Variants in PAX2 observed in about 807,000 individuals in gnomAD.
PAX2 encodes paired box protein Pax-2.
In PAX2, 9 loss-of-function variants were observed where a neutral mutation model predicts 41.7. The ratio of observed to expected loss-of-function variants is 0.22; its 90% CI spans 0.13 to 0.38. PAX2 has a LOEUF of 0.38. Among genes scored for constraint, PAX2 ranks in the 10% least tolerant of loss-of-function variants. The probability of loss-of-function intolerance (pLI) is 1.00; values close to 1 mark genes in which losing one functional copy is unlikely to be tolerated. For missense variants in PAX2, 418 were observed against 531.6 expected, an observed-to-expected ratio of 0.79 and a Z score of 2.10; for synonymous variants, 221 against 212.7, an observed-to-expected ratio of 1.04 and a Z score of -0.34.
chr10:100,824,933 G>A lies in PAX2; in HGVS notation c.1021+184G>A, dbSNP rs1256070683. On this transcript the variant is annotated intron_variant, in intron 8 of 9. Coordinates refer to ENST00000355243, the MANE Select transcript of PAX2 (RefSeq NM_000278.5). This position sits in a 1 kb window ranked among gnomAD's most constrained non-coding sequence, Gnocchi z 6.6. Reference sequence around the variant, plus strand: ...CAGTTGGTCCCTCATCCTCCCTCATGAGCAAGCCGGGGAGGAAGCTTGCAG... The same window carrying A: ...CAGTTGGTCCCTCATCCTCCCTCATAAGCAAGCCGGGGAGGAAGCTTGCAG... The A allele has an allele frequency of 6.2e-7, 1 of 1,614,082 alleles. No individual in the cohort carries two copies. The highest frequency in any genetic ancestry group is 1.1e-5 in the South Asian group (1 of 91,064).
intron 3 of PAX2, among the ~76,000 whole-genome samples, chr10:100,761,284 A>AG (rs934203909): frequency 1.2e-4 from 18 of 151,802 alleles, no homozygotes; most frequent in African/African-American, 3.9e-4. Context: ...AGCCCTGGTT[A>AG]GGGTTCAGCT....
chr10:100,777,683 C>T (rs1846447996), intron 3 of PAX2, among the ~76,000 whole-genome samples: 1 of 152,246 alleles, frequency 6.6e-6, no homozygotes. Flanking sequence ...GCGTGAGCCA[C>T]TGCACCCAGC....
At chr10:100,770,886 A>G (rs1846184888) in intron 3 of PAX2, among the ~76,000 whole-genome samples, 2 of 152,260 alleles carry the variant, frequency 1.3e-5, no homozygotes. Flanking sequence ...TCGATAGAGT[A>G]TGAGAAAGGA....
At chr10:100,786,624 G>A (rs936186685) in intron 5 of PAX2, among the ~76,000 whole-genome samples, 5 of 152,140 alleles carry the variant, frequency 3.3e-5, no homozygotes, top group East Asian at 1.9e-4. Context: ...AGAGAGTGCC[G>A]GGTGTGACTG....
At chr10:100,778,372 T>G (rs1365377853) in intron 3 of PAX2, among the ~76,000 whole-genome samples, 1 of 152,184 alleles carries the variant, frequency 6.6e-6, no homozygotes, top group Admixed American at 6.5e-5. Context: ...AACTACCTGA[T>G]TCCCTCGGGT....
intron 5 of PAX2, among the ~76,000 whole-genome samples, chr10:100,798,128 T>TTTTTTTTTTTTTTTTTTTC: frequency 9.2e-6 from 1 of 108,952 alleles, no homozygotes; most frequent in Non-Finnish European, 1.9e-5. Context: ...TTTTTTTTTT[T>TTTTTTTTTTTTTTTTTTTC]AGACAGGGTC....
chr10:100,769,761 C>T (rs1174937337), intron 3 of PAX2, among the ~76,000 whole-genome samples: 1 of 151,360 alleles, frequency 6.6e-6, no homozygotes, highest in African/African-American at 2.4e-5. Context: ...CTATCAAGTA[C>T]TTACATTATA....
At chr10:100,740,246 A>G (rs561371277) in intron 1 of PAX2, among the ~76,000 whole-genome samples, 182 of 151,158 alleles carry the variant, frequency 1.2e-3, no homozygotes, top group African/African-American at 4.2e-3. Flanking sequence ...TGAGGCCACA[A>G]TTAACCCGGC....
At chr10:100,738,183 TCTC>T (rs1589796767) in intron 1 of PAX2, among the ~76,000 whole-genome samples, 1 of 152,130 alleles carries the variant, frequency 6.6e-6, no homozygotes, top group South Asian at 2.1e-4. Flanking sequence ...TTGGGAGACT[TCTC>T]CTCTCCCTCT....
chr10:100,778,562 G>T (rs966018403), intron 3 of PAX2, among the ~76,000 whole-genome samples: 1 of 152,192 alleles, frequency 6.6e-6, no homozygotes, highest in Non-Finnish European at 1.5e-5. Context: ...CTCTCTGTGG[G>T]GACAAGGAAC....
At position 100,781,376 on chromosome 10, in the gene PAX2, G is replaced by A. The variant is rs780436505; in HGVS notation, c.616+11G>A. The A allele has an allele frequency of 6.2e-7, 1 of 1,614,024 alleles. No homozygotes were observed. Among genetic ancestry groups the A allele is most frequent in the Non-Finnish European group, 8.5e-7 (1 of 1,179,894 alleles). On this transcript the variant is annotated intron_variant, in intron 5 of 9. Coordinates refer to ENST00000355243, the MANE Select transcript of PAX2 (RefSeq NM_000278.5). Reference sequence around the variant, plus strand: ...GGAAACGTGATGAAGGTAGGGAGGAGGGAAGAGGTGTGGCTTCCCCTTCAC... The same window carrying A: ...GGAAACGTGATGAAGGTAGGGAGGAAGGAAGAGGTGTGGCTTCCCCTTCAC...
chr10:100,751,087 A>G (rs1845422751), intron 3 of PAX2, among the ~76,000 whole-genome samples, 196 bp downstream of exon 3: 1 of 152,156 alleles, frequency 6.6e-6, no homozygotes, highest in Admixed American at 6.5e-5. Flanking sequence ...TCTGCAGTTC[A>G]GGGCTGGGTA....
rs1845268060 is a variant in PAX2, at chr10:100,748,055, G to A, written c.44-1691G>A. 2.2e-5 allele frequency: 22 copies of A among 984,938 alleles called. No homozygotes were observed. Among genetic ancestry groups the A allele is most frequent in the Non-Finnish European group, 2.5e-5 (21 of 829,852 alleles). The allele number at this position is 984,938 out of a possible 1,614,324, so 61.0% of individuals were successfully genotyped here. A position where few individuals can be genotyped will look rare whatever the true frequency, so the allele number is the denominator to read the frequency against. On this transcript the variant is annotated intron_variant, in intron 1 of 9. Coordinates refer to ENST00000355243, the MANE Select transcript of PAX2 (RefSeq NM_000278.5). The surrounding 1 kb of genome is among the most constrained non-coding windows in gnomAD (Gnocchi z 5.0). ...CACCGCAGCCCGAGTCGGTGCTGGCGGCCGTGGCGCATTCCAGGCCCGACT... is the reference window on the plus strand; with the variant it reads ...CACCGCAGCCCGAGTCGGTGCTGGCAGCCGTGGCGCATTCCAGGCCCGACT...
rs1845311592 is a variant in PAX2, at chr10:100,748,764, G to C, written c.44-982G>C. ...CCTTCTCTTGGCCGAAAGAGCAAAAGCCCGAGCCGCTCGGTTTCCTGGGGG... is the reference window on the plus strand; with the variant it reads ...CCTTCTCTTGGCCGAAAGAGCAAAACCCCGAGCCGCTCGGTTTCCTGGGGG... On this transcript the variant is annotated intron_variant, in intron 1 of 9. Transcript: ENST00000355243. This position sits in a 1 kb window ranked among gnomAD's most constrained non-coding sequence, Gnocchi z 5.0. 3 of 985,364 alleles carry C rather than the reference G, an allele frequency of 3.0e-6. No homozygotes were observed. The highest frequency in any genetic ancestry group is 3.6e-6 in the Non-Finnish European group (3 of 829,970). The allele number at this position is 985,364 out of a possible 1,614,324, so 61.0% of individuals were successfully genotyped here.
upstream of PAX2, among the ~76,000 whole-genome samples, chr10:100,744,168 C>T (rs72843850): frequency 0.051 from 7,810 of 152,310 alleles, 237 homozygotes; most frequent in Middle Eastern, 0.11. Context: ...GCCCAGGCTC[C>T]GGCCAGAGGG....
intron 7 of PAX2, among the ~76,000 whole-genome samples, chr10:100,817,713 G>A (rs1848237889): frequency 1.3e-5 from 2 of 152,118 alleles, no homozygotes; most frequent in Admixed American, 6.5e-5. Context: ...CTCAGGTGGG[G>A]TATGGGGCTG....
rs556321916 is a variant in PAX2 at position 100,737,541 on chromosome 10, C to CG, written c.25+1815dup. Among the ~76,000 whole-genome samples the CG allele has an allele frequency of 6.4e-3, 968 of 152,230 alleles. 12 individuals are homozygous for CG. Among genetic ancestry groups the CG allele is most frequent in the African/African-American group, 0.02 (815 of 41,548 alleles). ...CAGGCAGCAGCAGCTCCGGGAAAGG[C>CG]GGGGGGGAGCTGCGGAGCTGGGCAG... On this transcript the variant is annotated intron_variant, in intron 1 of 9. Transcript: ENST00000679374.
upstream of PAX2, among the ~76,000 whole-genome samples, chr10:100,742,210 G>A (rs1398948188): frequency 6.6e-6 from 1 of 152,240 alleles, no homozygotes; most frequent in Non-Finnish European, 1.5e-5. Flanking sequence ...GGCAGCGGGA[G>A]CGGGTGGCAG....
chr10:100,750,283 T>C lies in PAX2; in HGVS notation c.212+369T>C, dbSNP rs757137446. ...TCCCCGAGAGGAGAAGCAGCAGCAT[T>C]TGGGAGGCAGAAGGAGGGTCCTGGT... On this transcript the variant is annotated intron_variant, in intron 2 of 9. Coordinates refer to ENST00000355243, the MANE Select transcript of PAX2 (RefSeq NM_000278.5). The surrounding 1 kb of genome is among the most constrained non-coding windows in gnomAD (Gnocchi z 4.1). 1.3e-5 allele frequency among the ~76,000 whole-genome samples: 2 copies of C among 151,540 alleles called. No homozygotes were observed. Among genetic ancestry groups the C allele is most frequent in the Non-Finnish European group, 2.9e-5 (2 of 67,834 alleles).
Sources: gnomAD v4.1 joint callset for allele counts (sites outside exome capture counted in the v4.1 genomes callset) on GRCh38, gnomAD v4.1.1 for gene constraint, Gnocchi (gnomAD v3.1) non-coding constraint, MANE v1.5 for transcripts, NCBI Gene and HGNC (gene_info 2026-07-23, HGNC 2026-07-21) for gene names.